The following TMEM38B variants were observed in gnomAD, a reference collection of about 807,000 sequenced individuals.
TMEM38B encodes trimeric intracellular cation channel type B.
TMEM38B carries 24 observed loss-of-function variants against 28.7 expected under a neutral mutation model. The observed-to-expected ratio is 0.84, with a 90% CI of 0.61 to 1.18. The LOEUF (loss-of-function observed/expected upper bound fraction) is 1.18, where lower values mean the gene tolerates loss of function less well. TMEM38B is among the 50% of genes most tolerant of loss of function. TMEM38B has a pLI of 0.00. For synonymous variants in TMEM38B, 131 were observed against 127.7 expected (o/e 1.03, Z -0.17); for missense variants, 380 against 350.9 (o/e 1.08, Z -0.66).
intron 4 of TMEM38B, among the ~76,000 whole-genome samples, chr9:105,730,511 G>A (rs9759659): frequency 1.3e-3 from 202 of 152,240 alleles, no homozygotes; most frequent in African/African-American, 4.6e-3. Context: ...TGTTCATCAG[G>A]GATATTGGCC....
chr9:105,747,742 C>T (rs1837475233), intron 4 of TMEM38B, among the ~76,000 whole-genome samples: 1 of 152,098 alleles, frequency 6.6e-6, no homozygotes, highest in Admixed American at 6.5e-5. Context: ...CTACACACTG[C>T]CTTACATGTG....
chr9:105,719,046 C>T (rs574559542), intron 2 of TMEM38B, among the ~76,000 whole-genome samples: 40 of 152,244 alleles, frequency 2.6e-4, no homozygotes, highest in African/African-American at 8.7e-4. Context: ...ATACTGTCTT[C>T]GATAGAGGAG....
chr9:105,730,761 C>G (rs995524400), intron 4 of TMEM38B, among the ~76,000 whole-genome samples: 2 of 152,094 alleles, frequency 1.3e-5, no homozygotes, highest in African/African-American at 4.8e-5. Context: ...TTGGTCTATT[C>G]AGAGATTCAA....
chr9:105,721,766 A>G (rs1836330403), intron 3 of TMEM38B, 45 bp downstream of exon 3: 2 of 1,422,114 alleles, frequency 1.4e-6, no homozygotes, highest in Non-Finnish European at 1.9e-6. Context: ...TTGTTGGTGT[A>G]TTATTAATAC....
intron 1 of TMEM38B, among the ~76,000 whole-genome samples, chr9:105,704,388 C>A (rs930594987): frequency 6.6e-6 from 1 of 152,000 alleles, no homozygotes; most frequent in Non-Finnish European, 1.5e-5. Flanking sequence ...CAGAGCGAGA[C>A]CCTGTCTCAA....
intron 4 of TMEM38B, among the ~76,000 whole-genome samples, chr9:105,727,906 G>A (rs559898042): frequency 6.6e-6 from 1 of 152,000 alleles, no homozygotes; most frequent in South Asian, 2.1e-4. Flanking sequence ...TTCCCTCCTC[G>A]TTCTCTTGTT....
At chr9:105,746,474 T>G (rs563357583) in intron 4 of TMEM38B, among the ~76,000 whole-genome samples, 1 of 152,352 alleles carries the variant, frequency 6.6e-6, no homozygotes, top group East Asian at 1.9e-4. Flanking sequence ...AAGGAGATTT[T>G]GGGCTGAGAC....
At chr9:105,744,275 A>G (rs1162619271) in intron 4 of TMEM38B, among the ~76,000 whole-genome samples, 1 of 152,076 alleles carries the variant, frequency 6.6e-6, no homozygotes, top group Non-Finnish European at 1.5e-5. Flanking sequence ...CTTGAAATTT[A>G]TAGGAGTAAA....
At chr9:105,730,743 G>T (rs1309352408) in intron 4 of TMEM38B, among the ~76,000 whole-genome samples, 2 of 152,046 alleles carry the variant, frequency 1.3e-5, no homozygotes, top group African/African-American at 4.8e-5. Flanking sequence ...CAATTTCAGA[G>T]CCTGTTATTG....
chr9:105,727,471 GTGT>G (rs1438851690), intron 4 of TMEM38B, among the ~76,000 whole-genome samples: 1 of 152,208 alleles, frequency 6.6e-6, no homozygotes, highest in Non-Finnish European at 1.5e-5. Flanking sequence ...GGGACCAGAA[GTGT>G]TGTGGATTTC....
At chr9:105,734,407 G>A (rs1350705906) in intron 4 of TMEM38B, among the ~76,000 whole-genome samples, 3 of 152,038 alleles carry the variant, frequency 2.0e-5, no homozygotes, top group Non-Finnish European at 4.4e-5. Context: ...AGAAGAATGT[G>A]TATTTTGCTG....
In TMEM38B at chr9:105,705,608, T is replaced by C. The variant is rs1393053362; in HGVS notation, c.124T>C (p.Leu42=). Residue 42 remains leucine, a synonymous_variant, in exon 2 of 6, where the codon TTG becomes CTG. Transcript: ENST00000374692. ...CTTTACCATTTCAGGAGCAGCTGCA[T>C]TGGCATGGAAGAATCCTATTTCAAG... The part of the protein sequence containing the change: ...AVKRQPGAAA[L]AWKNPISSWF... The C allele has an allele frequency of 1.2e-6, 2 of 1,612,886 alleles. No individual in the cohort carries two copies. Among genetic ancestry groups the C allele is most frequent in the East Asian group, 2.2e-5 (1 of 44,838 alleles).
intron 4 of TMEM38B, among the ~76,000 whole-genome samples, chr9:105,737,821 C>T (rs1248878129): frequency 6.6e-6 from 1 of 152,162 alleles, no homozygotes; most frequent in Non-Finnish European, 1.5e-5. Context: ...GGTGTGACTG[C>T]TCTGCTTGGC....
At chr9:105,733,281 A>T (rs1232726029) in intron 4 of TMEM38B, among the ~76,000 whole-genome samples, 1 of 152,106 alleles carries the variant, frequency 6.6e-6, no homozygotes, top group Non-Finnish European at 1.5e-5. Context: ...GTATTTCTTT[A>T]TAGCAACACA....
In TMEM38B at chr9:105,753,962, T is replaced by G. The variant is rs533921447; in HGVS notation, c.660+5772T>G. ...CACACATAGGCTCAAAATAAAGGGATGGAGGAAAATTTACCAAGCAAATGG... is the reference window on the plus strand; with the variant it reads ...CACACATAGGCTCAAAATAAAGGGAGGGAGGAAAATTTACCAAGCAAATGG... On this transcript the variant is annotated intron_variant, in intron 5 of 5. Coordinates refer to ENST00000374692, the MANE Select transcript of TMEM38B (RefSeq NM_018112.3). 2.0e-5 allele frequency among the ~76,000 whole-genome samples: 3 copies of G among 152,078 alleles called. No homozygotes were observed. The East Asian group carries it at 5.8e-4, about 29-fold the overall frequency.
chr9:105,759,020 A>T, intron 5 of TMEM38B: 1 of 926,024 alleles, frequency 1.1e-6, no homozygotes, highest in Non-Finnish European at 1.8e-6. Context: ...GTAAACATGG[A>T]GTAGTTACAC....
intron 1 of TMEM38B, among the ~76,000 whole-genome samples, chr9:105,695,014 C>T (rs1232465084): frequency 2.6e-5 from 4 of 152,200 alleles, no homozygotes; most frequent in Non-Finnish European, 4.4e-5. Flanking sequence ...ACCTGGGGTC[C>T]GCGAGGCCGT....
rs778721419 is a variant in TMEM38B, at chr9:105,694,612, G to A, written c.-49G>A. On this transcript the variant is annotated 5_prime_UTR_variant, in exon 1 of 6. Transcript: ENST00000374692. The stretch of plus-strand genomic sequence containing the variant: ...CTCCTACTCCTCACCGCGCGAGCGC[G>A]GGGAACCAGTAGCCGCGGCTGCTTC... 39 of 1,532,642 alleles carry A rather than the reference G, an allele frequency of 2.5e-5. No homozygotes were observed. Among genetic ancestry groups the A allele is most frequent in the Non-Finnish European group, 3.4e-5 (38 of 1,108,050 alleles). The allele number at this position is 1,532,642 out of a possible 1,614,324, so 94.9% of individuals were successfully genotyped here.
chr9:105,721,933 A>G (rs975199608), intron 3 of TMEM38B, among the ~76,000 whole-genome samples: 1 of 152,176 alleles, frequency 6.6e-6, no homozygotes, highest in African/African-American at 2.4e-5. Flanking sequence ...GTCTTATGAT[A>G]GAAAATTTTT....
Sources: gnomAD v4.1 joint callset for allele counts (sites outside exome capture counted in the v4.1 genomes callset) on GRCh38, gnomAD v4.1.1 for gene constraint, MANE v1.5 for transcripts, NCBI Gene and HGNC (gene_info 2026-07-23, HGNC 2026-07-21) for gene names.